Variants in MMP16 observed in about 807,000 individuals in gnomAD.
MMP16 encodes the protein matrix metalloproteinase-16.
MMP16 carries 12 observed loss-of-function variants against 67.8 expected under a neutral mutation model. The observed-to-expected ratio is 0.18, with a 90% confidence interval of 0.11 to 0.29. MMP16 has a LOEUF of 0.29. Ranked by LOEUF, MMP16 falls within the 10% of genes least tolerant of loss-of-function variation. MMP16 has a pLI of 1.00. For synonymous variants in MMP16, 249 were observed against 255.9 expected (o/e 0.97, Z 0.26); for missense variants, 475 against 765.7 (o/e 0.62, Z 4.48).
chr8:88,112,617 A>C (rs1431131895), intron 6 of MMP16, among the ~76,000 whole-genome samples: 3 of 150,636 alleles, frequency 2.0e-5, no homozygotes, highest in Non-Finnish European at 4.4e-5. Context: ...ACATTCTCTA[A>C]GGATTATAAA....
In MMP16 at chr8:88,219,488, C is replaced by A. The variant is rs141736654; in HGVS notation, c.133-22182G>T. On this transcript the variant is annotated intron_variant, in intron 1 of 9. Coordinates refer to ENST00000286614, the MANE Select transcript of MMP16 (RefSeq NM_005941.5). ...GCTTTAAAGACTTTTTGTTGTTGTT[C>A]TTGCATGAGACCATGTCCACTGGAG... Among the ~76,000 whole-genome samples the A allele has an allele frequency of 2.1e-4, 32 of 152,112 alleles. 2 individuals are homozygous for A. The highest frequency in any genetic ancestry group is 3.4e-3 in the Middle Eastern group (1 of 294).
At chr8:88,252,933 G>A (rs1040771974) in intron 1 of MMP16, among the ~76,000 whole-genome samples, 1 of 152,072 alleles carries the variant, frequency 6.6e-6, no homozygotes, top group Non-Finnish European at 1.5e-5. Flanking sequence ...TAAATGAATA[G>A]TAGATTTGAT....
At chr8:88,293,613 A>G (rs2139479) in intron 1 of MMP16, among the ~76,000 whole-genome samples, 148,636 of 152,240 alleles carry the variant, frequency 0.98, 72,613 homozygotes, top group East Asian at 1. Context: ...TCCTTTTTAA[A>G]CATATACTAT....
rs1049542817 is a variant in MMP16, at chr8:88,057,791, C to T, written c.1223-1513G>A. On this transcript the variant is annotated intron_variant, in intron 7 of 9. Coordinates refer to ENST00000286614, the MANE Select transcript of MMP16 (RefSeq NM_005941.5). ...TTTGATACCATTTAAGTTAAAACAA[C>T]ATTTATTGAGTATCTTCAAGCATCC... Among the ~76,000 whole-genome samples the T allele has an allele frequency of 3.9e-5, 6 of 152,206 alleles. No homozygotes were observed. The South Asian group carries it at 1.2e-3, about 32-fold the overall frequency.
intron 6 of MMP16, among the ~76,000 whole-genome samples, chr8:88,081,247 G>C (rs1388161240): frequency 6.6e-6 from 1 of 152,132 alleles, no homozygotes; most frequent in Non-Finnish European, 1.5e-5. Flanking sequence ...TTGGAGTTCA[G>C]GGGAGGAAAA....
chr8:88,261,870 T>C (rs1017766698), intron 1 of MMP16, among the ~76,000 whole-genome samples: 2 of 152,038 alleles, frequency 1.3e-5, no homozygotes, highest in African/African-American at 4.8e-5. Context: ...GCACTTAGCA[T>C]GATTCACATA....
chr8:88,185,879 C>T (rs1188455602), intron 3 of MMP16, among the ~76,000 whole-genome samples: 1 of 152,110 alleles, frequency 6.6e-6, no homozygotes, highest in Non-Finnish European at 1.5e-5. Flanking sequence ...ACAGGGTCCT[C>T]ATGTTTTATT....
intron 3 of MMP16, among the ~76,000 whole-genome samples, chr8:88,175,398 T>G (rs1166811923): frequency 6.6e-6 from 1 of 152,224 alleles, no homozygotes; most frequent in Non-Finnish European, 1.5e-5. Context: ...ATTTATTTTC[T>G]CTAAATACAG....
At chr8:88,163,156 T>A (rs1808658197) in intron 4 of MMP16, among the ~76,000 whole-genome samples, 1 of 152,052 alleles carries the variant, frequency 6.6e-6, no homozygotes, top group African/African-American at 2.4e-5. Flanking sequence ...TTTTCTGTAG[T>A]ATGGCACCAA....
In MMP16 at chr8:88,038,038, C is replaced by T. The variant is rs1586116134; in HGVS notation, c.*3423G>A. On this transcript the variant is annotated 3_prime_UTR_variant, in exon 10 of 10. Transcript: ENST00000286614. This position sits in a 1 kb window ranked among gnomAD's most constrained non-coding sequence, Gnocchi z 4.1. ...TGTTATTGACCCATGGAAATTTATTCTGCATTGGTTTTGAATCACTATTCT... is the reference window on the plus strand; with the variant it reads ...TGTTATTGACCCATGGAAATTTATTTTGCATTGGTTTTGAATCACTATTCT... 6.6e-6 allele frequency: 1 copy of T among 151,914 alleles called. No individual in the cohort carries two copies. Among genetic ancestry groups the T allele is most frequent in the African/African-American group, 2.4e-5 (1 of 41,404 alleles). 9.4% of individuals were successfully genotyped at this position (151,914 alleles called of 1,614,324 possible). A position where few individuals can be genotyped will look rare whatever the true frequency, so the allele number is the denominator to read the frequency against.
At chr8:88,164,308 GAAA>G (rs373538518) in intron 4 of MMP16, among the ~76,000 whole-genome samples, 17 of 144,676 alleles carry the variant, frequency 1.2e-4, no homozygotes, top group Non-Finnish European at 2.1e-4. Context: ...CTAGATTAAA[GAAA>G]AAAAAAAAGT....
chr8:88,051,497 A>AT (rs970208093), intron 8 of MMP16, among the ~76,000 whole-genome samples: 2 of 152,082 alleles, frequency 1.3e-5, no homozygotes, highest in Admixed American at 6.6e-5. Flanking sequence ...TAATCAGATA[A>AT]TTTTTTGGAG....
At chr8:88,105,934 C>G (rs1036597945) in intron 6 of MMP16, among the ~76,000 whole-genome samples, 5 of 150,482 alleles carry the variant, frequency 3.3e-5, no homozygotes, top group Non-Finnish European at 7.4e-5. Context: ...GGTAACTGTT[C>G]TTAACATTAC....
intron 6 of MMP16, among the ~76,000 whole-genome samples, chr8:88,081,141 C>A (rs1563526055): frequency 6.6e-6 from 1 of 152,002 alleles, no homozygotes; most frequent in Non-Finnish European, 1.5e-5. Flanking sequence ...GAAGAGCCAG[C>A]AACGAACACT....
intron 3 of MMP16, among the ~76,000 whole-genome samples, chr8:88,181,578 T>C (rs554537817): frequency 8.2e-4 from 124 of 151,250 alleles, no homozygotes; most frequent in African/African-American, 2.9e-3. Flanking sequence ...TTTATATATT[T>C]AATATATAAT....
chr8:88,124,987 A>T (rs1188601555), intron 4 of MMP16, among the ~76,000 whole-genome samples: 1 of 151,732 alleles, frequency 6.6e-6, no homozygotes, highest in East Asian at 2.0e-4. Flanking sequence ...ATCCAACCCT[A>T]ATTATCTCTC....
At chr8:88,109,998 C>T (rs1028463417) in intron 6 of MMP16, among the ~76,000 whole-genome samples, 5 of 150,794 alleles carry the variant, frequency 3.3e-5, no homozygotes, top group African/African-American at 9.7e-5. Flanking sequence ...TCCTAAATTC[C>T]AAAATATGTA....
chr8:88,198,339 A>G (rs1273551922), intron 1 of MMP16, among the ~76,000 whole-genome samples: 1 of 152,010 alleles, frequency 6.6e-6, no homozygotes, highest in Non-Finnish European at 1.5e-5. Flanking sequence ...CTACCTCTCA[A>G]ATTGATAAGG....
intron 1 of MMP16, among the ~76,000 whole-genome samples, chr8:88,308,246 T>C (rs1352557388): frequency 1.3e-5 from 2 of 152,138 alleles, no homozygotes; most frequent in Non-Finnish European, 2.9e-5. Context: ...GACCTTGCCA[T>C]GCAGCAAACT....
Sources: allele counts gnomAD v4.1 joint callset (sites outside exome capture counted in the v4.1 genomes callset), GRCh38; gene constraint gnomAD v4.1.1; non-coding constraint Gnocchi (gnomAD v3.1); transcripts MANE v1.5; gene names NCBI Gene and HGNC (gene_info 2026-07-23, HGNC 2026-07-21).